Variants in TIMM10B observed in about 807,000 individuals in gnomAD.
TIMM10B encodes translocase of inner mitochondrial membrane 10B.
A neutral mutation model predicts 12.6 loss-of-function variants in TIMM10B; 17 were observed. The ratio of observed to expected loss-of-function variants is 1.35; its 90% confidence interval spans 0.92 to 2.03. The LOEUF is 2.03. Among genes scored for constraint, TIMM10B ranks in the 30% most tolerant of loss-of-function variants. TIMM10B has a pLI of 0.00. For synonymous variants in TIMM10B, 63 were observed against 51.3 expected (o/e 1.23, Z -0.97); for missense variants, 165 against 133.3 (o/e 1.24, Z -1.17).
rs766065653 is a variant in TIMM10B, at chr11:6,482,092, C to T, written c.183C>T (p.His61=). 140 of 1,614,080 alleles carry T rather than the reference C, an allele frequency of 8.7e-5. 2 individuals are homozygous for T. In the South Asian group the frequency reaches 1.4e-3, roughly 16 times the overall value. ...SCAGKLIHSN[H]RLMAAYVQLM... ...CTGGGAAGCTGATCCATTCCAACCA[C>T]CGCCTCATGGCCGCTTACGTGCAGC... The change falls in exon 3 of 3, where the codon CAC becomes CAT. Residue 61 remains histidine (H), a synonymous_variant. Coordinates refer to ENST00000254616, the MANE Select transcript of TIMM10B (RefSeq NM_012192.4).
chr11:6,484,588 G>A lies in TIMM10B; in HGVS notation c.*2367G>A, dbSNP rs757952272. On this transcript the variant is annotated 3_prime_UTR_variant, in exon 3 of 3. Transcript: ENST00000254616. ...GAACTTCTTAACTTCCAGAAGATAGGAGGATGGGACCTGTGATACTGTGCT... is the reference window on the plus strand; with the variant it reads ...GAACTTCTTAACTTCCAGAAGATAGAAGGATGGGACCTGTGATACTGTGCT... 6.6e-6 allele frequency: 1 copy of A among 152,232 alleles called. No individual in the cohort carries two copies. The highest frequency in any genetic ancestry group is 1.5e-5 in the Non-Finnish European group (1 of 68,046). 9.4% of individuals were successfully genotyped at this position (152,232 alleles called of 1,614,324 possible).
In TIMM10B at chr11:6,482,191, A is replaced by G; in HGVS notation, c.282A>G (p.Glu94=). Residue 94 remains glutamate (E), a synonymous_variant, in exon 3 of 3, where the codon GAA becomes GAG. Transcript: ENST00000254616. ...CGGCTGTGCCAGGCGTTGCTGCTGA[A>G]CAGCCTGGGGTCTCTCCATCAGGCA... ...AASAVPGVAA[E]QPGVSPSGS The G allele has an allele frequency of 6.2e-7, 1 of 1,609,730 alleles. No homozygotes were observed. Among genetic ancestry groups the G allele is most frequent in the Non-Finnish European group, 8.5e-7 (1 of 1,179,876 alleles).
In TIMM10B at chr11:6,481,835, G is replaced by A; in HGVS notation, c.118G>A (p.Ala40Thr). Residue 40 changes from alanine to threonine, a missense_variant, in exon 2 of 3, where the codon GCT (alanine) becomes ACT (threonine). By Grantham distance (58) the Ala-to-Thr change is moderately conservative. Transcript: ENST00000254616. Reference protein sequence around the residue: ...QRCVPSLHHRALDAEEEACLH... With the variant: ...QRCVPSLHHRTLDAEEEACLH... ...CTGTGTGCCCAGCTTGCACCACCGA[G>A]CTCTGGACGCTGAGGAGGTGGGGAA... 1 of 1,613,870 alleles carries A rather than the reference G, an allele frequency of 6.2e-7. No homozygotes were observed. The highest frequency in any genetic ancestry group is 1.7e-5 in the Admixed American group (1 of 60,026).
In TIMM10B at chr11:6,484,661, A is replaced by G. The variant is rs1264142811; in HGVS notation, c.*2440A>G. On this transcript the variant is annotated 3_prime_UTR_variant, in exon 3 of 3. Coordinates refer to ENST00000254616, the MANE Select transcript of TIMM10B (RefSeq NM_012192.4). ...ATCAACATTTGTGTGTATCCTTGCA[A>G]TAAACTTCCATTGTGAATTATCTGT... 1 of 152,228 alleles carries G rather than the reference A, an allele frequency of 6.6e-6. No homozygotes were observed. The highest frequency in any genetic ancestry group is 2.4e-5 in the African/African-American group (1 of 41,448). The allele number at this position is 152,228 out of a possible 1,614,324, so 9.4% of individuals were successfully genotyped here. A position where few individuals can be genotyped will look rare whatever the true frequency, so the allele number is the denominator to read the frequency against.
rs766446707 is a variant in TIMM10B, at chr11:6,481,534, G to GCAGCAA, written c.26_31dup (p.Gln9_Gln10dup). 1.5e-4 allele frequency: 243 copies of GCAGCAA among 1,611,964 alleles called. 2 individuals carry two copies. In the South Asian group the frequency reaches 2.5e-3, roughly 16 times the overall value. On this transcript the variant is annotated inframe_insertion, in exon 1 of 3. Coordinates refer to ENST00000254616, the MANE Select transcript of TIMM10B (RefSeq NM_012192.4). Reference sequence around the variant, plus strand: ...GTGGCGTGATGGAGCGGCAGCAGCAGCAGCAACAGCAACTGCGAAACGTAA... The same window carrying GCAGCAA: ...GTGGCGTGATGGAGCGGCAGCAGCAGCAGCAACAGCAACAGCAACTGCGAAACGTAA...
intron 2 of TIMM10B, 73 bp from the exon 3 acceptor site, chr11:6,481,972 G>A: frequency 1.3e-6 from 2 of 1,594,480 alleles, no homozygotes; most frequent in Non-Finnish European, 1.7e-6. Context: ...CCCCTAGGCT[G>A]GGCATGGGGA....
At position 6,482,023 on chromosome 11, in the gene TIMM10B, T is replaced by C. The variant is rs756274200; in HGVS notation, c.136-22T>C. The C allele has an allele frequency of 2.3e-5, 37 of 1,606,594 alleles. No homozygotes were observed. In the East Asian group the frequency reaches 7.4e-4, roughly 32 times the overall value. The stretch of plus-strand genomic sequence containing the variant: ...CCGACAGGGCACCTTTATCCTCCAC[T>C]TAAACCCTATCTTCCTTCTAGGAGG... On this transcript the variant is annotated intron_variant, in intron 2 of 2. Transcript: ENST00000254616.
intron 2 of TIMM10B, 35 bp downstream of exon 2, chr11:6,481,887 A>G (rs1197490755): frequency 1.9e-6 from 3 of 1,611,990 alleles, no homozygotes; most frequent in Admixed American, 1.7e-5. Flanking sequence ...CGCTGCAAGA[A>G]GAGTTTAGCG....
At chr11:6,481,682 A>G in intron 1 of TIMM10B, 75 bp from the exon 2 acceptor site, 5 of 1,603,844 alleles carry the variant, frequency 3.1e-6, no homozygotes, top group Non-Finnish European at 4.3e-6. Context: ...GGGCCTGGGA[A>G]ACTTTGGGCG....
rs1222930501 is a variant in TIMM10B, at chr11:6,481,761, G to A, written c.44G>A (p.Arg15His). 1.2e-6 allele frequency: 2 copies of A among 1,613,980 alleles called. No homozygotes were observed. The highest frequency in any genetic ancestry group is 1.7e-6 in the Non-Finnish European group (2 of 1,180,054). ...QQQQQQLRNL[R>H]DFLLVYNRMT... Reference sequence around the variant, plus strand: ...GTGGTCCCCCTTTTCTCTCAGCTGCGTGACTTCCTGTTGGTCTACAATCGG... The same window carrying A: ...GTGGTCCCCCTTTTCTCTCAGCTGCATGACTTCCTGTTGGTCTACAATCGG... The change falls in exon 2 of 3, where the codon CGT (arginine) becomes CAT (histidine). Residue 15 changes from arginine (R) to histidine (H), a missense_variant. Physicochemically the swap from Arg to His is conservative, Grantham distance 29 (BLOSUM62 0). Coordinates refer to ENST00000254616, the MANE Select transcript of TIMM10B (RefSeq NM_012192.4).
At chr11:6,481,896 C>G (rs541052280) in intron 2 of TIMM10B, 44 bp downstream of exon 2, 2 of 1,610,242 alleles carry the variant, frequency 1.2e-6, no homozygotes, top group South Asian at 1.1e-5. Flanking sequence ...AAGAGTTTAG[C>G]GGTAGACTGC....
At position 6,482,244 on chromosome 11, in the gene TIMM10B, A is replaced by G; in HGVS notation, c.*23A>G. The G allele has an allele frequency of 6.3e-7, 1 of 1,590,010 alleles. No homozygotes were observed. The highest frequency in any genetic ancestry group is 8.6e-7 in the Non-Finnish European group (1 of 1,169,046). ...TAGCCATACCCAACCCCAGGAAGGAAGGCCTTGGATGGACCCTCAGATTGA... is the reference window on the plus strand; with the variant it reads ...TAGCCATACCCAACCCCAGGAAGGAGGGCCTTGGATGGACCCTCAGATTGA... On this transcript the variant is annotated 3_prime_UTR_variant, in exon 3 of 3. Transcript: ENST00000254616.
Position 6,483,043 on chromosome 11 carries a change from G to A in TIMM10B, c.*822G>A, listed in dbSNP as rs1251458277. Reference sequence around the variant, plus strand: ...ATGTACAGTCTTCTCAGGATGAGCAGTAAAACCTTTGAACAAAGGTCTGTG... The same window carrying A: ...ATGTACAGTCTTCTCAGGATGAGCAATAAAACCTTTGAACAAAGGTCTGTG... On this transcript the variant is annotated 3_prime_UTR_variant, in exon 3 of 3. Transcript: ENST00000254616. The A allele has an allele frequency of 3.9e-5, 6 of 152,152 alleles. No homozygotes were observed. Among genetic ancestry groups the A allele is most frequent in the African/African-American group, 1.4e-4 (6 of 41,432 alleles). 9.4% of individuals were successfully genotyped at this position (152,152 alleles called of 1,614,324 possible).
Position 6,483,888 on chromosome 11 carries a change from C to T in TIMM10B, c.*1667C>T, listed in dbSNP as rs777727834. On this transcript the variant is annotated 3_prime_UTR_variant, in exon 3 of 3. Transcript: ENST00000254616. ...CTTTAAAGTCCATGTTCATTTTACA[C>T]AGCAGGCTGCCTCTTAAGATAGTAT... 6 of 152,220 alleles carry T rather than the reference C, an allele frequency of 3.9e-5. No individual in the cohort carries two copies. The highest frequency in any genetic ancestry group is 8.8e-5 in the Non-Finnish European group (6 of 68,040). The allele number at this position is 152,220 out of a possible 1,614,324, so 9.4% of individuals were successfully genotyped here.
At position 6,482,077 on chromosome 11, in the gene TIMM10B, G is replaced by T. The variant is rs1851814677; in HGVS notation, c.168G>T (p.Leu56=). 1 of 1,614,006 alleles carries T rather than the reference G, an allele frequency of 6.2e-7. No individual in the cohort carries two copies. The highest frequency in any genetic ancestry group is 8.5e-7 in the Non-Finnish European group (1 of 1,179,962). The change falls in exon 3 of 3, where the codon CTG becomes CTT. Residue 56 remains leucine, a synonymous_variant. Transcript: ENST00000254616. Reference sequence around the variant, plus strand: ...GTCTGCACAGCTGTGCTGGGAAGCTGATCCATTCCAACCACCGCCTCATGG... The same window carrying T: ...GTCTGCACAGCTGTGCTGGGAAGCTTATCCATTCCAACCACCGCCTCATGG... ...EACLHSCAGK[L]IHSNHRLMAA...
rs1396258925 is a variant in TIMM10B at position 6,481,540 on chromosome 11, A to G, written c.24A>G (p.Gln8=). The change falls in exon 1 of 3, where the codon CAA becomes CAG. Residue 8 remains glutamine (Q), a synonymous_variant. Coordinates refer to ENST00000254616, the MANE Select transcript of TIMM10B (RefSeq NM_012192.4). MERQQQQ[Q]QQLRNLRDFL... ...TGATGGAGCGGCAGCAGCAGCAGCA[A>G]CAGCAACTGCGAAACGTAAGTGAGA... The G allele has an allele frequency of 6.2e-7, 1 of 1,611,070 alleles. No homozygotes were observed. The highest frequency in any genetic ancestry group is 1.7e-5 in the Admixed American group (1 of 59,580).
rs1309424300 is a variant in TIMM10B at position 6,482,095 on chromosome 11, C to T, written c.186C>T (p.Arg62=). The T allele has an allele frequency of 1.9e-6, 3 of 1,614,066 alleles. No individual in the cohort carries two copies. Among genetic ancestry groups the T allele is most frequent in the African/African-American group, 1.3e-5 (1 of 75,068 alleles). ...GGAAGCTGATCCATTCCAACCACCG[C>T]CTCATGGCCGCTTACGTGCAGCTCA... ...CAGKLIHSNH[R]LMAAYVQLMP... The change falls in exon 3 of 3, where the codon CGC becomes CGT. Residue 62 remains arginine, a synonymous_variant. Coordinates refer to ENST00000254616, the MANE Select transcript of TIMM10B (RefSeq NM_012192.4).
In TIMM10B at chr11:6,483,148, A is replaced by G. The variant is rs933865797; in HGVS notation, c.*927A>G. 1 of 152,290 alleles carries G rather than the reference A, an allele frequency of 6.6e-6. No individual in the cohort carries two copies. Among genetic ancestry groups the G allele is most frequent in the Non-Finnish European group, 1.5e-5 (1 of 68,058 alleles). The allele number at this position is 152,290 out of a possible 1,614,324, so 9.4% of individuals were successfully genotyped here. A position where few individuals can be genotyped will look rare whatever the true frequency, so the allele number is the denominator to read the frequency against. On this transcript the variant is annotated 3_prime_UTR_variant, in exon 3 of 3. Coordinates refer to ENST00000254616, the MANE Select transcript of TIMM10B (RefSeq NM_012192.4). Reference sequence around the variant, plus strand: ...ATGCAGCCAAATCCGAGGAAGAGAAACTGAAGGGAGAAGTAGATGGCAATG... The same window carrying G: ...ATGCAGCCAAATCCGAGGAAGAGAAGCTGAAGGGAGAAGTAGATGGCAATG...
rs914480009 is a variant in TIMM10B at position 6,483,996 on chromosome 11, A to C, written c.*1775A>C. On this transcript the variant is annotated 3_prime_UTR_variant, in exon 3 of 3. Transcript: ENST00000254616. Reference sequence around the variant, plus strand: ...AATCTTTACAACAACTATAAGTAAGAGGTATTAACCTCACTTAACAGATGA... The same window carrying C: ...AATCTTTACAACAACTATAAGTAAGCGGTATTAACCTCACTTAACAGATGA... 6.6e-6 allele frequency: 1 copy of C among 152,172 alleles called. No homozygotes were observed. The highest frequency in any genetic ancestry group is 1.5e-5 in the Non-Finnish European group (1 of 68,030). 9.4% of individuals were successfully genotyped at this position (152,172 alleles called of 1,614,324 possible).
Sources: gnomAD v4.1 joint callset for allele counts on GRCh38, gnomAD v4.1.1 for gene constraint, MANE v1.5 for transcripts, NCBI Gene and HGNC (gene_info 2026-07-23, HGNC 2026-07-21) for gene names.